The following YOD1 variants were observed in gnomAD, a reference collection of about 807,000 sequenced individuals.
YOD1 encodes YOD1 deubiquitinase.
Under a neutral mutation model 23.7 loss-of-function variants are expected in YOD1, and 17 were observed. The ratio of observed to expected loss-of-function variants is 0.72; its 90% CI spans 0.49 to 1.07. The LOEUF (loss-of-function observed/expected upper bound fraction) is 1.07. YOD1 is among the 50% of genes least tolerant of loss of function. The pLI, the probability that YOD1 is intolerant of heterozygous loss-of-function variation, is 0.00. For synonymous variants in YOD1, 191 were observed against 169.6 expected (o/e 1.13, Z -0.98); for missense variants, 413 against 447.2 (o/e 0.92, Z 0.69).
rs1682577066 is a variant in YOD1 at position 207,045,493 on chromosome 1, A to G, written c.*3527T>C. The G allele has an allele frequency of 6.6e-6, 1 of 152,440 alleles. No individual in the cohort carries two copies. Among genetic ancestry groups the G allele is most frequent in the South Asian group, 2.1e-4 (1 of 4,826 alleles). 9.4% of individuals were successfully genotyped at this position (152,440 alleles called of 1,614,324 possible). ...TTAGATCCCTAGAGGGCCAACATGT[A>G]AACTTTTATTCCATATATATTTTTT... On this transcript the variant is annotated 3_prime_UTR_variant, in exon 2 of 2. Coordinates refer to ENST00000315927, the MANE Select transcript of YOD1 (RefSeq NM_018566.4).
Position 207,050,869 on chromosome 1 carries a change from C to T in YOD1, c.162G>A (p.Lys54=). ...DTMWRLRCKA[K]DGTHVLQGLS... ...GCCCCTGCAAAACATGGGTGCCGTCCTTGGCCTTGCAGCGGAGCCGCCACA... is the reference window on the plus strand; with the variant it reads ...GCCCCTGCAAAACATGGGTGCCGTCTTTGGCCTTGCAGCGGAGCCGCCACA... Residue 54 remains lysine (K), a synonymous_variant, in exon 1 of 2, where the codon AAG becomes AAA. Coordinates refer to ENST00000315927, the MANE Select transcript of YOD1 (RefSeq NM_018566.4). 1 of 1,611,304 alleles carries T rather than the reference C, an allele frequency of 6.2e-7. No individual in the cohort carries two copies. Among genetic ancestry groups the T allele is most frequent in the Non-Finnish European group, 8.5e-7 (1 of 1,179,158 alleles).
At position 207,047,656 on chromosome 1, in the gene YOD1, T is replaced by C. The variant is rs531334003; in HGVS notation, c.*1364A>G. ...AGGTAGAAAACTTTTATCTGGAAGA[T>C]CTTGTAGTGAAGCTAAGTTTTAGAG... On this transcript the variant is annotated 3_prime_UTR_variant, in exon 2 of 2. Transcript: ENST00000315927. 2 of 152,772 alleles carry C rather than the reference T, an allele frequency of 1.3e-5. No homozygotes were observed. The highest frequency in any genetic ancestry group is 4.1e-4 in the South Asian group (2 of 4,828). The allele number at this position is 152,772 out of a possible 1,614,324, so 9.5% of individuals were successfully genotyped here.
intron 1 of YOD1, 141 bp downstream of exon 1, chr1:207,050,547 G>A (rs1682714058): frequency 9.1e-7 from 1 of 1,101,596 alleles, no homozygotes; most frequent in African/African-American, 1.6e-5. Flanking sequence ...AGCATTCTCT[G>A]TTCTTTGATC....
In YOD1 at chr1:207,048,922, T is replaced by C; in HGVS notation, c.*98A>G. 1 of 1,099,726 alleles carries C rather than the reference T, an allele frequency of 9.1e-7. No individual in the cohort carries two copies. The highest frequency in any genetic ancestry group is 1.3e-6 in the Non-Finnish European group (1 of 761,656). The allele number at this position is 1,099,726 out of a possible 1,614,324, so 68.1% of individuals were successfully genotyped here. A position where few individuals can be genotyped will look rare whatever the true frequency, so the allele number is the denominator to read the frequency against. ...TAAGTTAAAAGGATGGTTCAAGCAT[T>C]GTATCCTTTGTTCTTTAGGGTTACC... is the stretch of plus-strand genomic sequence containing the variant. On this transcript the variant is annotated 3_prime_UTR_variant, in exon 2 of 2. Transcript: ENST00000315927.
At position 207,044,424 on chromosome 1, in the gene YOD1, G is replaced by C. The variant is rs1034350065; in HGVS notation, c.*4596C>G. 2 of 152,364 alleles carry C rather than the reference G, an allele frequency of 1.3e-5. No individual in the cohort carries two copies. The highest frequency in any genetic ancestry group is 4.8e-5 in the African/African-American group (2 of 41,362). 9.4% of individuals were successfully genotyped at this position (152,364 alleles called of 1,614,324 possible). On this transcript the variant is annotated 3_prime_UTR_variant, in exon 2 of 2. Transcript: ENST00000315927. ...TCCCCTGGTCCTTTAAGTAACTTAC[G>C]GGCTAATTACATAGCCTATACCAGT...
chr1:207,053,010 C>T (rs1005900123), upstream of YOD1: 1 of 152,234 alleles, frequency 6.6e-6, no homozygotes, highest in African/African-American at 2.4e-5. Flanking sequence ...AAAAGTCAAG[C>T]TTTTTATTAA....
rs1450168614 is a variant in YOD1, at chr1:207,044,639, A to C, written c.*4381T>G. 6.6e-6 allele frequency: 1 copy of C among 152,304 alleles called. No homozygotes were observed. Among genetic ancestry groups the C allele is most frequent in the Non-Finnish European group, 1.5e-5 (1 of 67,966 alleles). The allele number at this position is 152,304 out of a possible 1,614,324, so 9.4% of individuals were successfully genotyped here. On this transcript the variant is annotated 3_prime_UTR_variant, in exon 2 of 2. Coordinates refer to ENST00000315927, the MANE Select transcript of YOD1 (RefSeq NM_018566.4). ...TTATAATTCATGGTTTCATACTTTA[A>C]TGATAAGCTTTTTCACCTATGGCCA...
chr1:207,053,113 A>G (rs568284736), upstream of YOD1: 2 of 152,316 alleles, frequency 1.3e-5, no homozygotes, highest in African/African-American at 4.8e-5. Flanking sequence ...TCTGGTTCCG[A>G]CTTCCAGCCG....
In YOD1 at chr1:207,045,550, T is replaced by C. The variant is rs1317487078; in HGVS notation, c.*3470A>G. On this transcript the variant is annotated 3_prime_UTR_variant, in exon 2 of 2. Coordinates refer to ENST00000315927, the MANE Select transcript of YOD1 (RefSeq NM_018566.4). ...CTGCAAACAAATGTGTCTCCACACATGAAAGAACATAATTCTTAGTATGTT... is the reference window on the plus strand; with the variant it reads ...CTGCAAACAAATGTGTCTCCACACACGAAAGAACATAATTCTTAGTATGTT... 1 of 151,598 alleles carries C rather than the reference T, an allele frequency of 6.6e-6. No individual in the cohort carries two copies. The highest frequency in any genetic ancestry group is 6.6e-5 in the Admixed American group (1 of 15,186). 9.4% of individuals were successfully genotyped at this position (151,598 alleles called of 1,614,324 possible). A position where few individuals can be genotyped will look rare whatever the true frequency, so the allele number is the denominator to read the frequency against.
intron 1 of YOD1, among the ~76,000 whole-genome samples, 165 bp from the exon 2 acceptor site, chr1:207,049,888 A>G (rs1211245369): frequency 6.6e-6 from 1 of 152,246 alleles, no homozygotes; most frequent in Non-Finnish European, 1.5e-5. Flanking sequence ...ATCTTTGTTC[A>G]CTGAATTTTC....
Position 207,045,597 on chromosome 1 carries a change from CA to C in YOD1, c.*3422del, listed in dbSNP as rs60778314. 0.038 allele frequency: 5,060 copies of C among 133,706 alleles called. 226 individuals carry two copies. Among genetic ancestry groups the C allele is most frequent in the African/African-American group, 0.12 (4,266 of 36,894 alleles). The allele number at this position is 133,706 out of a possible 1,614,324, so 8.3% of individuals were successfully genotyped here. A position where few individuals can be genotyped will look rare whatever the true frequency, so the allele number is the denominator to read the frequency against. ...TGTTTAGGAAGGCCACCTGATTTGT[CA>C]AAAAAAAAAAAAAATCACTCTTGCT... On this transcript the variant is annotated 3_prime_UTR_variant, in exon 2 of 2. Coordinates refer to ENST00000315927, the MANE Select transcript of YOD1 (RefSeq NM_018566.4).
intron 1 of YOD1, 90 bp from the exon 2 acceptor site, chr1:207,049,813 G>A: frequency 8.1e-7 from 1 of 1,241,532 alleles, no homozygotes; most frequent in South Asian, 1.5e-5. Context: ...ACAAACTGAA[G>A]GAGTTAAAGC....
At chr1:207,050,655 G>C in intron 1 of YOD1, 33 bp downstream of exon 1, 1 of 1,609,292 alleles carries the variant, frequency 6.2e-7, no homozygotes, top group Non-Finnish European at 8.5e-7. Context: ...CATCCTCCCG[G>C]GACTTTCCCT....
Position 207,051,128 on chromosome 1 carries a change from A to G in YOD1, c.-98T>C. 7.0e-7 allele frequency: 1 copy of G among 1,420,106 alleles called. No homozygotes were observed. Among genetic ancestry groups the G allele is most frequent in the Non-Finnish European group, 9.2e-7 (1 of 1,092,372 alleles). The allele number at this position is 1,420,106 out of a possible 1,614,324, so 88.0% of individuals were successfully genotyped here. A position where few individuals can be genotyped will look rare whatever the true frequency, so the allele number is the denominator to read the frequency against. On this transcript the variant is annotated 5_prime_UTR_variant, in exon 1 of 2. Transcript: ENST00000315927. The stretch of plus-strand genomic sequence containing the variant: ...GCGAACTCTTTTAAAGTGACAACTG[A>G]TTTTTCCCCCACCCTCAGAACGAAG...
In YOD1 at chr1:207,051,082, T is replaced by A. The variant is rs1228028644; in HGVS notation, c.-52A>T. ...TATCGCGACGCTTCGGTGCGGCTTC[T>A]GCCTTAGTACCTTAGCAAGCGCGAA... On this transcript the variant is annotated 5_prime_UTR_variant, in exon 1 of 2. Coordinates refer to ENST00000315927, the MANE Select transcript of YOD1 (RefSeq NM_018566.4). 3 of 1,458,586 alleles carry A rather than the reference T, an allele frequency of 2.1e-6. No homozygotes were observed. The highest frequency in any genetic ancestry group is 2.8e-5 in the African/African-American group (2 of 70,202). The allele number at this position is 1,458,586 out of a possible 1,614,324, so 90.4% of individuals were successfully genotyped here. A position where few individuals can be genotyped will look rare whatever the true frequency, so the allele number is the denominator to read the frequency against.
rs1278241823 is a variant in YOD1, at chr1:207,047,028, G to A, written c.*1992C>T. On this transcript the variant is annotated 3_prime_UTR_variant, in exon 2 of 2. Transcript: ENST00000315927. The stretch of plus-strand genomic sequence containing the variant: ...TCAATTTGATAATTGTTATCTAGTG[G>A]TATATTCTTAATTTACAGTTTTAAA... The A allele has an allele frequency of 6.6e-6, 1 of 152,296 alleles. No homozygotes were observed. The highest frequency in any genetic ancestry group is 1.5e-5 in the Non-Finnish European group (1 of 67,918). 9.4% of individuals were successfully genotyped at this position (152,296 alleles called of 1,614,324 possible). A position where few individuals can be genotyped will look rare whatever the true frequency, so the allele number is the denominator to read the frequency against.
rs780882851 is a variant in YOD1 at position 207,049,224 on chromosome 1, A to G, written c.843T>C (p.Pro281=). 1.1e-5 allele frequency: 18 copies of G among 1,614,138 alleles called. No individual in the cohort carries two copies. Among genetic ancestry groups the G allele is most frequent in the Non-Finnish European group, 1.5e-5 (18 of 1,180,026 alleles). ...CATTAGAGGAGAAAATGGTCAGAGG[A>G]GGTGTATCTGGATCAGGGAAGTTAC... The part of the protein sequence containing the change: ...LQRNFPDPDT[P]PLTIFSSNDD... Residue 281 remains proline, a synonymous_variant, in exon 2 of 2, where the codon CCT becomes CCC. Transcript: ENST00000315927.
Position 207,049,518 on chromosome 1 carries a change from T to C in YOD1, c.549A>G (p.Arg183=), listed in dbSNP as rs1213440533. 1.2e-6 allele frequency: 2 copies of C among 1,614,200 alleles called. No individual in the cohort carries two copies. The change falls in exon 2 of 2, where the codon AGA becomes AGG. Residue 183 remains arginine, a synonymous_variant. Transcript: ENST00000315927. Reference sequence around the variant, plus strand: ...TTGCTACAATTTGTGCTATGAGGCGTCTCATCTCAGGGGCACAAGCTGGAT... The same window carrying C: ...TTGCTACAATTTGTGCTATGAGGCGCCTCATCTCAGGGGCACAAGCTGGAT... ...VLNPACAPEM[R]RLIAQIVASD... is the part of the protein sequence containing the mutation.
rs767436537 is a variant in YOD1 at position 207,049,715 on chromosome 1, G to A, written c.352C>T (p.Leu118=). Residue 118 remains leucine, a synonymous_variant, in exon 2 of 2, where the codon CTG becomes TTG. Coordinates refer to ENST00000315927, the MANE Select transcript of YOD1 (RefSeq NM_018566.4). The part of the protein sequence containing the change: ...EDLPIQSGDM[L]IIEEDQTRPR... The stretch of plus-strand genomic sequence containing the variant: ...CTGGTTTGGTCTTCTTCAATGATCA[G>A]CATGTCACCTGTTAAAAATAAAACA... 6 of 1,608,444 alleles carry A rather than the reference G, an allele frequency of 3.7e-6. No individual in the cohort carries two copies. The highest frequency in any genetic ancestry group is 5.1e-6 in the Non-Finnish European group (6 of 1,177,694).
Sources: gnomAD v4.1 joint callset for allele counts (sites outside exome capture counted in the v4.1 genomes callset) on GRCh38, gnomAD v4.1.1 for gene constraint, MANE v1.5 for transcripts, NCBI Gene and HGNC (gene_info 2026-07-23, HGNC 2026-07-21) for gene names.